The following CFAP221 variants were observed in gnomAD, a reference collection of about 807,000 sequenced individuals.
CFAP221 encodes cilia- and flagella-associated protein 221.
A neutral mutation model predicts 113.1 loss-of-function variants in CFAP221; 97 were observed. The observed-to-expected ratio is 0.86, with a 90% CI of 0.73 to 1.02. The LOEUF is 1.02. CFAP221 is among the 50% of genes least tolerant of loss of function. The pLI is 0.00. For synonymous variants in CFAP221, 331 were observed against 354.4 expected (o/e 0.93, Z 0.74); for missense variants, 1,025 against 1,013.4 (o/e 1.01, Z -0.16).
chr2:119,580,620 G>A (rs973191178), intron 6 of CFAP221: 5 of 152,034 alleles, frequency 3.3e-5, no homozygotes, highest in African/African-American at 1.2e-4. Flanking sequence ...AACCTTTTTT[G>A]TGCAAAATTA....
Position 119,638,428 on chromosome 2 carries a change from C to T in CFAP221, c.2133+11C>T, listed in dbSNP as rs1460424580. 1.2e-6 allele frequency: 2 copies of T among 1,613,868 alleles called. No individual in the cohort carries two copies. Among genetic ancestry groups the T allele is most frequent in the Non-Finnish European group, 1.7e-6 (2 of 1,179,920 alleles). ...TTTCTCCATCACACGGTAATGTCAT[C>T]ACCAGGCTCACTGGCAGAGTGACCC... is the stretch of plus-strand genomic sequence containing the variant. On this transcript the variant is annotated intron_variant, in intron 20 of 23. Transcript: ENST00000413369.
chr2:119,601,089 T>A, intron 7 of CFAP221, 129 bp from the exon 8 acceptor site: 1 of 919,230 alleles, frequency 1.1e-6, no homozygotes. Flanking sequence ...GGATTTTCAA[T>A]TGTGTGGGGA....
rs1441750126 is a variant in CFAP221 at position 119,601,383 on chromosome 2, G to A, written c.791+6G>A. 1 of 1,502,560 alleles carries A rather than the reference G, an allele frequency of 6.7e-7. No individual in the cohort carries two copies. The highest frequency in any genetic ancestry group is 8.9e-7 in the Non-Finnish European group (1 of 1,123,480). 93.1% of individuals were successfully genotyped at this position (1,502,560 alleles called of 1,614,324 possible). A position where few individuals can be genotyped will look rare whatever the true frequency, so the allele number is the denominator to read the frequency against. ...TATCCCAACATGGCCTTACCGTATG[G>A]CGTCTTTGCAGTGTTTTTGTTTATT... On this transcript the variant is annotated splice_donor_region_variant and intron_variant, in intron 8 of 23. Transcript: ENST00000413369.
chr2:119,554,314 G>A (rs1680630563), intron 3 of CFAP221, among the ~76,000 whole-genome samples: 1 of 152,210 alleles, frequency 6.6e-6, no homozygotes, highest in Admixed American at 6.5e-5. Flanking sequence ...TTGCATTCAT[G>A]TTGAAATCAG....
chr2:119,656,058 C>T (rs1294074548), intron 23 of CFAP221: 4 of 336,004 alleles, frequency 1.2e-5, no homozygotes, highest in Non-Finnish European at 2.3e-5. Context: ...CTCATTTCAC[C>T]TTTGCTACAA....
intron 6 of CFAP221, among the ~76,000 whole-genome samples, chr2:119,564,339 C>T (rs1364764025): frequency 6.6e-6 from 1 of 152,146 alleles, no homozygotes; most frequent in Non-Finnish European, 1.5e-5. Context: ...AAGCTTCTCA[C>T]TCACTCTCTC....
intron 6 of CFAP221, among the ~76,000 whole-genome samples, chr2:119,574,390 G>A (rs1682284943): frequency 6.6e-6 from 1 of 152,216 alleles, no homozygotes; most frequent in African/African-American, 2.4e-5. Context: ...TCAGTACTGA[G>A]AAGTAAGAAA....
In CFAP221 at chr2:119,652,019, G is replaced by T. The variant is rs1018368481; in HGVS notation, c.2364G>T (p.Met788Ile). 3 of 1,613,524 alleles carry T rather than the reference G, an allele frequency of 1.9e-6. No homozygotes were observed. Among genetic ancestry groups the T allele is most frequent in the African/African-American group, 2.7e-5 (2 of 75,028 alleles). Residue 788 changes from methionine (M) to isoleucine (I), a missense_variant, in exon 23 of 24, where the codon ATG becomes ATT. Transcript: ENST00000413369. ...TAGAAGTTATGTTGACTCCAGAAAT[G>T]ATCAAAGTGGAATTCCCTATGTTGA... The part of the protein sequence containing the change: ...QNVEVMLTPE[M>I]IKVEFPMLNY...
intron 3 of CFAP221, among the ~76,000 whole-genome samples, chr2:119,553,686 G>T (rs565662056): frequency 1.3e-5 from 2 of 152,272 alleles, no homozygotes; most frequent in African/African-American, 4.8e-5. Flanking sequence ...TCCTTCCCTT[G>T]TGGGTAATTT....
At chr2:119,549,219 A>G in intron 3 of CFAP221, 34 bp downstream of exon 3, 18 of 1,419,554 alleles carry the variant, frequency 1.3e-5, no homozygotes, top group Non-Finnish European at 1.6e-5. Context: ...ATTAATCATC[A>G]TAATGAAGTG....
chr2:119,562,661 A>G (rs1429587351), intron 6 of CFAP221, among the ~76,000 whole-genome samples: 1 of 152,258 alleles, frequency 6.6e-6, no homozygotes, highest in Non-Finnish European at 1.5e-5. Context: ...GCCAATGCTC[A>G]GATTCTCTCC....
chr2:119,622,627 C>T (rs1407448560), intron 14 of CFAP221, among the ~76,000 whole-genome samples: 1 of 152,180 alleles, frequency 6.6e-6, no homozygotes, highest in Non-Finnish European at 1.5e-5. Flanking sequence ...CAATAAAATA[C>T]TGGCAAACCA....
chr2:119,613,420 C>A (rs566092727), intron 13 of CFAP221, among the ~76,000 whole-genome samples: 1 of 152,350 alleles, frequency 6.6e-6, no homozygotes, highest in South Asian at 2.1e-4. Flanking sequence ...ACTCCTGCAA[C>A]AAACTTCTGC....
rs1686723597 is a variant in CFAP221 at position 119,630,832 on chromosome 2, A to G, written c.1905A>G (p.Thr635=). The G allele has an allele frequency of 6.2e-7, 1 of 1,613,924 alleles. No individual in the cohort carries two copies. The highest frequency in any genetic ancestry group is 8.5e-7 in the Non-Finnish European group (1 of 1,179,780). Residue 635 remains threonine, a synonymous_variant, in exon 19 of 24, where the codon ACA becomes ACG. Coordinates refer to ENST00000413369, the MANE Select transcript of CFAP221 (RefSeq NM_001271049.2). Reference sequence around the variant, plus strand: ...CCACAACTCAGCTCTCTGGCAAAACATCAGTCTTGAGCATGAAACCACCTG... The same window carrying G: ...CCACAACTCAGCTCTCTGGCAAAACGTCAGTCTTGAGCATGAAACCACCTG... ...QDSTTQLSGK[T]SVLSMKPPEA...
At chr2:119,551,849 C>T (rs1308996124) in intron 3 of CFAP221, among the ~76,000 whole-genome samples, 1 of 152,148 alleles carries the variant, frequency 6.6e-6, no homozygotes, top group Non-Finnish European at 1.5e-5. Context: ...AATATTGCAA[C>T]CTTAAGAATA....
intron 7 of CFAP221, among the ~76,000 whole-genome samples, chr2:119,597,897 G>A (rs1298294440): frequency 6.6e-6 from 1 of 152,152 alleles, no homozygotes; most frequent in Non-Finnish European, 1.5e-5. Context: ...TCCATCTAAC[G>A]CACAGAAAAT....
chr2:119,630,783 T>C lies in CFAP221; in HGVS notation c.1856T>C (p.Ile619Thr), dbSNP rs775232199. The change falls in exon 19 of 24, where the codon ATC (isoleucine) becomes ACC (threonine). Residue 619 changes from isoleucine (I) to threonine (T), a missense_variant. Ile to Thr is a moderately conservative substitution (Grantham distance 89). Transcript: ENST00000413369. The stretch of plus-strand genomic sequence containing the variant: ...CCTTGTTAGGATGAAGTCACCACCA[T>C]CACAGCCCTTCCGAAACAGGACTCC... ...KQGAEDEVTT[I>T]TALPKQDSTT... The C allele has an allele frequency of 6.2e-7, 1 of 1,611,974 alleles. No individual in the cohort carries two copies. The highest frequency in any genetic ancestry group is 2.2e-5 in the East Asian group (1 of 44,804).
rs986283006 is a variant in CFAP221, at chr2:119,544,461, G to GGGCGCCGGCGCT, written c.-87_-76dup. 15 of 151,842 alleles carry GGGCGCCGGCGCT rather than the reference G, an allele frequency of 9.9e-5. No homozygotes were observed. Among genetic ancestry groups the GGGCGCCGGCGCT allele is most frequent in the Admixed American group, 6.6e-5 (1 of 15,236 alleles). 9.4% of individuals were successfully genotyped at this position (151,842 alleles called of 1,614,324 possible). ...GCGTCGTCATGGCGACGCTCCGAGCGGGCGCCGGCGCTGGCGCCGGCCGAA... is the reference window on the plus strand; with the variant it reads ...GCGTCGTCATGGCGACGCTCCGAGCGGGCGCCGGCGCTGGCGCCGGCGCTGGCGCCGGCCGAA... On this transcript the variant is annotated 5_prime_UTR_variant, in exon 1 of 24. Transcript: ENST00000413369.
At chr2:119,594,681 C>A (rs1285975917) in intron 7 of CFAP221, among the ~76,000 whole-genome samples, 1 of 152,172 alleles carries the variant, frequency 6.6e-6, no homozygotes, top group Non-Finnish European at 1.5e-5. Flanking sequence ...ATACAGTCTG[C>A]CACCAGCAAA....
Sources: gnomAD v4.1 joint callset for allele counts (sites outside exome capture counted in the v4.1 genomes callset) on GRCh38, gnomAD v4.1.1 for gene constraint, MANE v1.5 for transcripts, NCBI Gene and HGNC (gene_info 2026-07-23, HGNC 2026-07-21) for gene names.